Variants in POLN observed in about 807,000 individuals in gnomAD.
POLN encodes DNA polymerase nu.
POLN carries 108 observed loss-of-function variants against 113.5 expected under a neutral mutation model. The ratio of observed to expected loss-of-function variants is 0.95; its 90% CI spans 0.81 to 1.12. The LOEUF is 1.12. Ranked by LOEUF, POLN falls within the 50% of genes most tolerant of loss-of-function variation. The pLI, the probability that POLN is intolerant of heterozygous loss-of-function variation, is 0.00. For missense variants in POLN, 1,097 were observed against 1,077.1 expected (o/e 1.02, Z -0.26); for synonymous variants, 386 against 391.5 (o/e 0.99, Z 0.17).
At chr4:2,106,063 G>A (rs1019100278) in intron 19 of POLN, among the ~76,000 whole-genome samples, 1 of 151,122 alleles carries the variant, frequency 6.6e-6, no homozygotes, top group African/African-American at 2.4e-5. Context: ...TTTTTTTCTA[G>A]CAAAAATGAT....
chr4:2,203,374 G>C (rs1289743719), intron 5 of POLN, among the ~76,000 whole-genome samples: 1 of 152,054 alleles, frequency 6.6e-6, no homozygotes, highest in Non-Finnish European at 1.5e-5. Context: ...AAGGTCAGGA[G>C]ATCGAGACCA....
chr4:2,179,176 A>G lies in POLN; in HGVS notation c.1179+132T>C. 6 of 920,264 alleles carry G rather than the reference A, an allele frequency of 6.5e-6. No homozygotes were observed. The South Asian group carries it at 7.1e-5, about 11-fold the overall frequency. The allele number at this position is 920,264 out of a possible 1,614,324, so 57.0% of individuals were successfully genotyped here. ...CACCAGAAATGCCAAGGTCACAACT[A>G]TTTGTGCTGAATAAGTGAAAATGAA... On this transcript the variant is annotated intron_variant, in intron 8 of 25. Transcript: ENST00000511885.
At position 2,126,677 on chromosome 4, in the gene POLN, CA is replaced by C. The variant is rs1731589960; in HGVS notation, c.1982+1435del. Among the ~76,000 whole-genome samples the C allele has an allele frequency of 6.6e-6, 1 of 151,918 alleles. No homozygotes were observed. On this transcript the variant is annotated intron_variant, in intron 19 of 25. Transcript: ENST00000511885. The surrounding 1 kb of genome is among the most constrained non-coding windows in gnomAD (Gnocchi z 4.6). Reference sequence around the variant, plus strand: ...GTGCCCAGCATCAGGGGAGGGTGGTCAGGGGAGGGCCCTGAGGAGACGCCGG... The same window carrying C: ...GTGCCCAGCATCAGGGGAGGGTGGTCGGGGAGGGCCCTGAGGAGACGCCGG...
intron 7 of POLN, among the ~76,000 whole-genome samples, chr4:2,186,225 G>C (rs981498817): frequency 6.6e-6 from 1 of 152,178 alleles, no homozygotes; most frequent in Non-Finnish European, 1.5e-5. Flanking sequence ...TGGGCCCCCT[G>C]GCAGGAGACC....
chr4:2,228,395 C>G (rs576608318), intron 3 of POLN: 1 of 263,434 alleles, frequency 3.8e-6, no homozygotes, highest in Non-Finnish European at 7.4e-6. Context: ...CTGTCGCCCA[C>G]GCTGGAGACC....
At chr4:2,161,379 T>G (rs1360982260) in intron 13 of POLN, among the ~76,000 whole-genome samples, 1 of 152,222 alleles carries the variant, frequency 6.6e-6, no homozygotes, top group African/African-American at 2.4e-5. Context: ...CAGCCGGCCC[T>G]GCTAGCCCGG....
chr4:2,166,092 T>TA (rs1056812563), intron 13 of POLN, among the ~76,000 whole-genome samples: 1 of 152,140 alleles, frequency 6.6e-6, no homozygotes, highest in African/African-American at 2.4e-5. Flanking sequence ...AGTCTATTTT[T>TA]AAAAAATCTA....
At chr4:2,186,741 G>C (rs1459713790) in intron 7 of POLN, among the ~76,000 whole-genome samples, 1 of 152,114 alleles carries the variant, frequency 6.6e-6, no homozygotes, top group Non-Finnish European at 1.5e-5. Context: ...AGCAAGTGGG[G>C]AACCATGACA....
intron 5 of POLN, among the ~76,000 whole-genome samples, chr4:2,201,031 G>T (rs1332270738): frequency 6.6e-6 from 1 of 152,034 alleles, no homozygotes; most frequent in Non-Finnish European, 1.5e-5. Context: ...ACTTTGGGAG[G>T]CCAAGGCAGG....
chr4:2,213,154 G>A, intron 3 of POLN, 28 bp from the exon 4 acceptor site: 6 of 1,473,196 alleles, frequency 4.1e-6, no homozygotes, highest in African/African-American at 1.4e-5. Flanking sequence ...AAAGAAACAT[G>A]GGGCATTAAA....
intron 20 of POLN, chr4:2,089,438 A>G: frequency 1.4e-6 from 2 of 1,411,302 alleles, no homozygotes; most frequent in Non-Finnish European, 1.9e-6. Flanking sequence ...GACAAAGTAA[A>G]GCACTGGCTT....
intron 19 of POLN, among the ~76,000 whole-genome samples, chr4:2,125,712 A>G (rs1047205974): frequency 4.6e-5 from 7 of 152,140 alleles, no homozygotes; most frequent in African/African-American, 1.7e-4. Flanking sequence ...CAATGGGTCT[A>G]TGTGTGTCCC....
chr4:2,161,419 G>A (rs1320911810), intron 13 of POLN, among the ~76,000 whole-genome samples: 3 of 152,246 alleles, frequency 2.0e-5, no homozygotes, highest in African/African-American at 4.8e-5. Flanking sequence ...CCAGGCCAGC[G>A]GCTGCGGAGG....
Position 2,089,160 on chromosome 4 carries a change from A to T in POLN, c.2066-3416T>A. 8 of 1,393,720 alleles carry T rather than the reference A, an allele frequency of 5.7e-6. No homozygotes were observed. The South Asian group carries it at 8.7e-5, about 15-fold the overall frequency. 86.3% of individuals were successfully genotyped at this position (1,393,720 alleles called of 1,614,324 possible). A position where few individuals can be genotyped will look rare whatever the true frequency, so the allele number is the denominator to read the frequency against. The stretch of plus-strand genomic sequence containing the variant: ...TAAGATCAATATTTGAATCTATTCC[A>T]GGAGACCTCACTTCAGATAAACTGA... On this transcript the variant is annotated intron_variant, in intron 20 of 25. Transcript: ENST00000511885.
intron 7 of POLN, among the ~76,000 whole-genome samples, chr4:2,186,629 A>C (rs1733280855): frequency 6.6e-6 from 1 of 152,212 alleles, no homozygotes; most frequent in Admixed American, 6.5e-5. Flanking sequence ...CTCTGAGCAA[A>C]CATACCTAAT....
chr4:2,078,325 C>G (rs1185823763), intron 23 of POLN, among the ~76,000 whole-genome samples: 1 of 152,246 alleles, frequency 6.6e-6, no homozygotes, highest in Non-Finnish European at 1.5e-5. Flanking sequence ...CTGAGCCCAA[C>G]CTCTCTGGTC....
intron 19 of POLN, among the ~76,000 whole-genome samples, chr4:2,123,155 A>G (rs1394704548): frequency 1.3e-5 from 2 of 152,074 alleles, no homozygotes; most frequent in Non-Finnish European, 2.9e-5. Flanking sequence ...GTAACAGATC[A>G]AGATCTTATC....
At chr4:2,225,288 A>C (rs879272459) in intron 3 of POLN, among the ~76,000 whole-genome samples, 76 of 152,058 alleles carry the variant, frequency 5.0e-4, no homozygotes, top group Non-Finnish European at 5.4e-4. Flanking sequence ...AAATATGTAA[A>C]AAAAAATTTA....
At chr4:2,226,575 G>A (rs1734399712) in intron 3 of POLN, among the ~76,000 whole-genome samples, 1 of 151,828 alleles carries the variant, frequency 6.6e-6, no homozygotes, top group African/African-American at 2.4e-5. Flanking sequence ...TCATGACAAA[G>A]TGTTTCTAAA....
Sources: gnomAD v4.1 joint callset for allele counts (sites outside exome capture counted in the v4.1 genomes callset) on GRCh38, gnomAD v4.1.1 for gene constraint, Gnocchi (gnomAD v3.1) non-coding constraint, MANE v1.5 for transcripts, NCBI Gene and HGNC (gene_info 2026-07-23, HGNC 2026-07-21) for gene names.